ARHGEF10: variants seen among roughly 807,000 people sequenced by gnomAD.
ARHGEF10 encodes the protein Rho guanine nucleotide exchange factor (GEF) 10.
A neutral mutation model predicts 147.4 loss-of-function variants in ARHGEF10; 140 were observed. That is an observed-to-expected ratio of 0.95 (90% CI 0.83 to 1.09). ARHGEF10 has a LOEUF of 1.09. ARHGEF10 is among the 50% of genes least tolerant of loss of function. The pLI, the probability that ARHGEF10 is intolerant of heterozygous loss-of-function variation, is 0.00. For missense variants in ARHGEF10, 2,222 were observed against 1,752.7 expected (o/e 1.27, Z -4.78); for synonymous variants, 902 against 695.8 (o/e 1.30, Z -4.67).
intron 16 of ARHGEF10, among the ~76,000 whole-genome samples, chr8:1,904,947 C>T (rs1362969845): frequency 3.9e-5 from 6 of 152,084 alleles, no homozygotes; most frequent in Admixed American, 6.6e-5. Context: ...ATGACAAAAC[C>T]CCGTCTCTAC....
At chr8:1,857,474 C>T (rs928896620) in intron 2 of ARHGEF10, among the ~76,000 whole-genome samples, 2 of 149,850 alleles carry the variant, frequency 1.3e-5, no homozygotes, top group African/African-American at 4.9e-5. Flanking sequence ...GGCTGGAGTG[C>T]AATGGTGCAA....
chr8:1,919,777 GGGTGATGGAGCTGTT>G, intron 18 of ARHGEF10, among the ~76,000 whole-genome samples: 1 of 149,292 alleles, frequency 6.7e-6, no homozygotes, highest in Non-Finnish European at 1.5e-5. Context: ...GCTGTTCTAT[GGGTGATGGAGCTGTT>G]CTGTGGGTGA....
In ARHGEF10 at chr8:1,957,098, G is replaced by T; in HGVS notation, c.3870G>T (p.Ser1290=). The part of the protein sequence containing the change: ...TIYDLLKDPV[S]LRSKARRAKK... Reference sequence around the variant, plus strand: ...ATGATCTCCTGAAGGATCCTGTCTCGCTGAGAAGCAAAGCACGCCGGGCCA... The same window carrying T: ...ATGATCTCCTGAAGGATCCTGTCTCTCTGAGAAGCAAAGCACGCCGGGCCA... The change falls in exon 29 of 29, where the codon TCG becomes TCT. Residue 1290 remains serine, a synonymous_variant. Transcript: ENST00000349830. 1 of 1,613,322 alleles carries T rather than the reference G, an allele frequency of 6.2e-7. No homozygotes were observed. Among genetic ancestry groups the T allele is most frequent in the Non-Finnish European group, 8.5e-7 (1 of 1,180,042 alleles).
At chr8:1,900,209 C>T (rs991343734) in intron 15 of ARHGEF10, among the ~76,000 whole-genome samples, 3 of 151,866 alleles carry the variant, frequency 2.0e-5, no homozygotes, top group Non-Finnish European at 2.9e-5. Context: ...AGGTTTTTTC[C>T]GAAATACATT....
chr8:1,906,119 A>G (rs1002193163), intron 17 of ARHGEF10, among the ~76,000 whole-genome samples: 3 of 152,244 alleles, frequency 2.0e-5, no homozygotes, highest in Non-Finnish European at 4.4e-5. Flanking sequence ...TATTTATTGT[A>G]AACCAAGAAA....
At chr8:1,862,861 C>A (rs1323066234) in intron 4 of ARHGEF10, among the ~76,000 whole-genome samples, 1 of 150,008 alleles carries the variant, frequency 6.7e-6, no homozygotes, top group African/African-American at 2.5e-5. Flanking sequence ...TCACTGCAAG[C>A]TCCGCCTCCC....
At chr8:1,826,711 G>A (rs916437045) in intron 1 of ARHGEF10, among the ~76,000 whole-genome samples, 2 of 152,234 alleles carry the variant, frequency 1.3e-5, no homozygotes, top group Non-Finnish European at 2.9e-5. Flanking sequence ...ATAGTGAGAT[G>A]TAAGAAAGCG....
rs764702039 is a variant in ARHGEF10 at position 1,923,868 on chromosome 8, G to C, written c.2482G>C (p.Ala828Pro). 1 of 1,614,020 alleles carries C rather than the reference G, an allele frequency of 6.2e-7. No homozygotes were observed. The highest frequency in any genetic ancestry group is 1.7e-5 in the Admixed American group (1 of 59,998). Residue 828 changes from alanine (A) to proline (P), a missense_variant, in exon 21 of 29, where the codon GCC becomes CCC. Ala to Pro is a conservative substitution (Grantham distance 27). Transcript: ENST00000349830. ...CAACAGCTTACAGATGGCCAAGCTC[G>C]CCCTAGGTAAGGCCTGGCTGGCTGA... ...WVNSLQMAKL[A>P]LEEENHMGWF...
rs555773093 is a variant in ARHGEF10, at chr8:1,886,802, G to C, written c.1182+1095G>C. 7.2e-5 allele frequency among the ~76,000 whole-genome samples: 11 copies of C among 152,282 alleles called. No homozygotes were observed. The East Asian group carries it at 1.7e-3, about 24-fold the overall frequency. On this transcript the variant is annotated intron_variant, in intron 11 of 28. Coordinates refer to ENST00000349830, the MANE Select transcript of ARHGEF10 (RefSeq NM_014629.4). ...TCGGAGGAGGCTGATCATCAGAACT[G>C]CATCCTCCAGCTATGCGAGGAAGGG... is the stretch of plus-strand genomic sequence containing the variant.
rs565301011 is a variant in ARHGEF10, at chr8:1,869,742, G to C, written c.679+492G>C. ...ATGCAATGGAGGCCGCGGAGCACCA[G>C]GCCCAGGGTGAATCTCCCGAGAGCA... On this transcript the variant is annotated intron_variant, in intron 7 of 28. Coordinates refer to ENST00000349830, the MANE Select transcript of ARHGEF10 (RefSeq NM_014629.4). 2.6e-3 allele frequency: 560 copies of C among 218,178 alleles called. 1 individual carries two copies. The highest frequency in any genetic ancestry group is 0.012 in the African/African-American group (523 of 43,318). The allele number at this position is 218,178 out of a possible 1,614,324, so 13.5% of individuals were successfully genotyped here.
chr8:1,846,161 C>T (rs1384057714), intron 2 of ARHGEF10, among the ~76,000 whole-genome samples: 3 of 152,236 alleles, frequency 2.0e-5, no homozygotes, highest in Non-Finnish European at 2.9e-5. Context: ...CCGGGAGCCG[C>T]GGAGGGGCTG....
intron 2 of ARHGEF10, among the ~76,000 whole-genome samples, chr8:1,851,722 G>A (rs1805164440): frequency 6.6e-6 from 1 of 152,110 alleles, no homozygotes; most frequent in South Asian, 2.1e-4. Context: ...AGACCAGCCT[G>A]GGCAACATAG....
At chr8:1,883,974 C>A (rs1437209834) in intron 10 of ARHGEF10, among the ~76,000 whole-genome samples, 1 of 152,178 alleles carries the variant, frequency 6.6e-6, no homozygotes, top group African/African-American at 2.4e-5. Context: ...CTGGCAGAGT[C>A]CCCCGGGACT....
chr8:1,826,825 G>C (rs943513155), intron 1 of ARHGEF10, among the ~76,000 whole-genome samples: 1 of 152,220 alleles, frequency 6.6e-6, no homozygotes, highest in Non-Finnish European at 1.5e-5. Flanking sequence ...TCATGCGTGC[G>C]TTGCTTATAG....
chr8:1,925,689 G>A (rs923947895), intron 22 of ARHGEF10, among the ~76,000 whole-genome samples: 12 of 152,208 alleles, frequency 7.9e-5, no homozygotes, highest in African/African-American at 2.9e-4. Context: ...GAGGGGACAC[G>A]TGTTTCACAT....
chr8:1,848,346 A>G (rs985789920), intron 2 of ARHGEF10, among the ~76,000 whole-genome samples: 1 of 152,030 alleles, frequency 6.6e-6, no homozygotes, highest in African/African-American at 2.4e-5. Context: ...TAGACGAGGG[A>G]TGGGGTCTCG....
intron 1 of ARHGEF10, among the ~76,000 whole-genome samples, chr8:1,833,020 G>A (rs1385274649): frequency 4.9e-4 from 7 of 14,292 alleles, no homozygotes; most frequent in East Asian, 2.1e-3. Context: ...AGAGACAGAG[G>A]CAGAGACAGG....
At chr8:1,920,134 G>GGGTGATGAGC (rs1812164261) in intron 18 of ARHGEF10, among the ~76,000 whole-genome samples, 25 of 150,720 alleles carry the variant, frequency 1.7e-4, no homozygotes, top group Non-Finnish European at 2.1e-4. Context: ...GCTGTTCTGT[G>GGGTGATGAGC]TGCCCTGGAG....
intron 15 of ARHGEF10, among the ~76,000 whole-genome samples, chr8:1,901,086 T>TG (rs1296074192): frequency 6.6e-6 from 1 of 151,776 alleles, no homozygotes; most frequent in Non-Finnish European, 1.5e-5. Flanking sequence ...GGAAACAAGG[T>TG]GGTGTCTGTG....
Sources: gnomAD v4.1 joint callset for allele counts (sites outside exome capture counted in the v4.1 genomes callset) on GRCh38, gnomAD v4.1.1 for gene constraint, MANE v1.5 for transcripts, NCBI Gene and HGNC (gene_info 2026-07-23, HGNC 2026-07-21) for gene names.